SYNJ1: variants seen among roughly 807,000 people sequenced by gnomAD.
The protein encoded by SYNJ1 is synaptojanin 1, also known as polyphosphatidylinositol phosphatase SYNJ1.
In SYNJ1, 78 loss-of-function variants were observed where a neutral mutation model predicts 168.2. The ratio of observed to expected loss-of-function variants is 0.46; its 90% CI spans 0.39 to 0.56. The LOEUF is 0.56. Among genes scored for constraint, SYNJ1 ranks in the 20% least tolerant of loss-of-function variants. The pLI is 0.00. For synonymous variants in SYNJ1, 539 were observed against 548.6 expected, an observed-to-expected ratio of 0.98 and a Z score of 0.24; for missense variants, 1,303 against 1,597.6, an observed-to-expected ratio of 0.82 and a Z score of 3.14.
chr21:32,706,306 GT>G (rs1396115909), intron 2 of SYNJ1, among the ~76,000 whole-genome samples: 1 of 152,112 alleles, frequency 6.6e-6, no homozygotes, highest in African/African-American at 2.4e-5. Flanking sequence ...AAAAGACATT[GT>G]TGGGGCAATT....
chr21:32,676,428 G>A, intron 12 of SYNJ1, 73 bp from the exon 13 acceptor site: 1 of 1,454,286 alleles, frequency 6.9e-7, no homozygotes, highest in Non-Finnish European at 9.4e-7. Flanking sequence ...TGAGTATAGT[G>A]ACAAAACATT....
chr21:32,725,788 A>G (rs2043423787), intron 2 of SYNJ1, among the ~76,000 whole-genome samples: 1 of 152,144 alleles, frequency 6.6e-6, no homozygotes, highest in African/African-American at 2.4e-5. Flanking sequence ...TAATCCCAAC[A>G]CTAGGATTAT....
intron 13 of SYNJ1, among the ~76,000 whole-genome samples, chr21:32,675,474 T>C (rs2041370008): frequency 6.6e-6 from 1 of 152,180 alleles, no homozygotes; most frequent in Admixed American, 6.5e-5. Flanking sequence ...CCATACTATT[T>C]CAGAAAATGG....
chr21:32,670,467 G>T, intron 14 of SYNJ1, 95 bp from the exon 15 acceptor site: 1 of 919,080 alleles, frequency 1.1e-6, no homozygotes, highest in Non-Finnish European at 1.6e-6. Context: ...CATAAAGACT[G>T]ATTTCTGTGT....
At chr21:32,641,442 T>C (rs1310560904) in intron 29 of SYNJ1, among the ~76,000 whole-genome samples, 3 of 152,182 alleles carry the variant, frequency 2.0e-5, no homozygotes, top group African/African-American at 7.2e-5. Context: ...TTACGGAATA[T>C]GATGAACCTG....
chr21:32,645,976 A>T, intron 24 of SYNJ1, 187 bp from the exon 25 acceptor site: 2 of 917,402 alleles, frequency 2.2e-6, no homozygotes, highest in Non-Finnish European at 3.6e-6. Context: ...CATGGCAGCA[A>T]TAATGCTACC....
At chr21:32,655,010 T>C (rs1218517720) in intron 21 of SYNJ1, among the ~76,000 whole-genome samples, 1 of 152,256 alleles carries the variant, frequency 6.6e-6, no homozygotes, top group African/African-American at 2.4e-5. Flanking sequence ...ACAACCAATA[T>C]TCCAGGTTGG....
rs533216340 is a variant in SYNJ1, at chr21:32,685,785, A to C, written c.1081T>G (p.Tyr361Asp). The change falls in exon 9 of 33, where the codon TAT becomes GAT. Residue 361 changes from tyrosine to aspartate, a missense_variant. Tyr to Asp is a radical substitution (Grantham distance 160, BLOSUM62 -3). Around this residue, in one of 2 missense-constraint regions of SYNJ1, gnomAD observed 920 missense variants for 1,208.8 expected, o/e 0.76. Transcript: ENST00000674351. ...LKPQVQKFLD[Y>D]GFFYFNGSEV... is the part of the protein sequence containing the mutation. ...CTTCCATTGAAATAAAAAAATCCAT[A>C]ATCTAGAAACTTCTGGACTTGAGGT... 1 of 1,609,266 alleles carries C rather than the reference A, an allele frequency of 6.2e-7. No homozygotes were observed. Among genetic ancestry groups the C allele is most frequent in the Admixed American group, 1.7e-5 (1 of 59,102 alleles).
intron 18 of SYNJ1, chr21:32,658,622 T>C (rs534353735): frequency 6.6e-6 from 1 of 152,428 alleles, no homozygotes; most frequent in East Asian, 1.9e-4. Context: ...AAAACAGCAC[T>C]GTAACACTTT....
Position 32,630,891 on chromosome 21 carries a change from A to T in SYNJ1, c.*914T>A, listed in dbSNP as rs1392369365. 9.3e-7 allele frequency: 1 copy of T among 1,075,320 alleles called. No individual in the cohort carries two copies. 66.6% of individuals were successfully genotyped at this position (1,075,320 alleles called of 1,614,324 possible). ...AATAGTGGTGTTTTGTGAAGATATC[A>T]GTGCACTTACAATGACTTATTGCAC... is the stretch of plus-strand genomic sequence containing the variant. On this transcript the variant is annotated 3_prime_UTR_variant, in exon 33 of 33. Coordinates refer to ENST00000674351, the MANE Select transcript of SYNJ1 (RefSeq NM_203446.3).
intron 13 of SYNJ1, among the ~76,000 whole-genome samples, chr21:32,674,311 T>C (rs1178332529): frequency 1.3e-5 from 2 of 152,254 alleles, no homozygotes; most frequent in Non-Finnish European, 2.9e-5. Context: ...CTTCAAGTCT[T>C]TACTTTCCAA....
At position 32,680,373 on chromosome 21, in the gene SYNJ1, T is replaced by C. The variant is rs1419801921; in HGVS notation, c.1353+1123A>G. On this transcript the variant is annotated intron_variant, in intron 11 of 32. Coordinates refer to ENST00000674351, the MANE Select transcript of SYNJ1 (RefSeq NM_203446.3). ...ATGAGAACTATAAAAGTGATAAATG[T>C]TCTCATTTCTATTCTTGAAATAATT... Among the ~76,000 whole-genome samples the C allele has an allele frequency of 4.6e-5, 7 of 152,190 alleles. No individual in the cohort carries two copies. The East Asian group carries it at 9.6e-4, about 21-fold the overall frequency.
At position 32,723,820 on chromosome 21, in the gene SYNJ1, C is replaced by A. The variant is rs749219462; in HGVS notation, c.124+2952G>T. Among the ~76,000 whole-genome samples the A allele has an allele frequency of 9.2e-5, 14 of 152,128 alleles. No homozygotes were observed. In the Middle Eastern group the frequency reaches 0.01, roughly 111 times the overall value. On this transcript the variant is annotated intron_variant, in intron 2 of 32. Transcript: ENST00000674351. ...CTCCAGCCTGGGTGACAGAACAAGACCATGTCTCAAAAAATAAAAGCAAAA... is the reference window on the plus strand; with the variant it reads ...CTCCAGCCTGGGTGACAGAACAAGAACATGTCTCAAAAAATAAAAGCAAAA...
chr21:32,646,376 T>A lies in SYNJ1; in HGVS notation c.3247+17A>T, dbSNP rs777704551. 1 of 1,608,884 alleles carries A rather than the reference T, an allele frequency of 6.2e-7. No homozygotes were observed. The highest frequency in any genetic ancestry group is 1.7e-5 in the Admixed American group (1 of 59,656). ...GGCCACAGGAAGCCATACAAAACTT[T>A]CAAATAAAATGCATACTCTGTGCAC... On this transcript the variant is annotated intron_variant, in intron 24 of 32. Transcript: ENST00000674351.
At chr21:32,677,693 A>C (rs763341080) in intron 12 of SYNJ1, among the ~76,000 whole-genome samples, 1 of 152,186 alleles carries the variant, frequency 6.6e-6, no homozygotes, top group Non-Finnish European at 1.5e-5. Flanking sequence ...AGTAGGTCTA[A>C]GTTCCCTAGC....
intron 10 of SYNJ1, among the ~76,000 whole-genome samples, 182 bp from the exon 11 acceptor site, chr21:32,681,830 T>C (rs2041636391): frequency 6.6e-6 from 1 of 152,180 alleles, no homozygotes; most frequent in Non-Finnish European, 1.5e-5. Context: ...TTAAAACAAA[T>C]ACTGTATCAA....
rs1601312886 is a variant in SYNJ1, at chr21:32,657,822, C to T, written c.2355G>A (p.Lys785=). 6.2e-7 allele frequency: 1 copy of T among 1,614,088 alleles called. No homozygotes were observed. The highest frequency in any genetic ancestry group is 1.1e-5 in the South Asian group (1 of 91,082). Residue 785 remains lysine, a synonymous_variant, in exon 19 of 33, where the codon AAG becomes AAA. Transcript: ENST00000674351. The part of the protein sequence containing the change: ...EGKVTFAPTY[K]YDLFSDDYDT... ...CATAGTCGTCAGAAAACAAGTCATA[C>T]TTATATGTCGGAGCAAAGGTTACCT...
chr21:32,684,284 C>T (rs1366083291), intron 9 of SYNJ1, among the ~76,000 whole-genome samples, 165 bp from the exon 10 acceptor site: 1 of 152,164 alleles, frequency 6.6e-6, no homozygotes, highest in Non-Finnish European at 1.5e-5. Flanking sequence ...CATCCATATA[C>T]CCACCATTTA....
At chr21:32,643,529 G>C in intron 26 of SYNJ1, 72 bp from the exon 27 acceptor site, 2 of 1,477,046 alleles carry the variant, frequency 1.4e-6, no homozygotes, top group South Asian at 2.4e-5. Context: ...AGGCACACAA[G>C]ACAATTTCCA....
Sources: gnomAD v4.1 joint callset for allele counts (sites outside exome capture counted in the v4.1 genomes callset) on GRCh38, gnomAD v4.1.1 for gene constraint, gnomAD v4.1.1 regional missense constraint, MANE v1.5 for transcripts, NCBI Gene and HGNC (gene_info 2026-07-23, HGNC 2026-07-21) for gene names.